GATA5: variants seen among roughly 807,000 people sequenced by gnomAD.
The protein encoded by GATA5 is GATA binding protein 5.
GATA5 carries 27 observed loss-of-function variants against 35.0 expected under a neutral mutation model. The observed-to-expected ratio is 0.77, with a 90% CI of 0.57 to 1.06. The LOEUF (loss-of-function observed/expected upper bound fraction) is 1.06. GATA5 is among the 50% of genes least tolerant of loss of function. The pLI is 0.00. For missense variants in GATA5, 612 were observed against 580.0 expected (o/e 1.06, Z -0.57); for synonymous variants, 306 against 267.8 (o/e 1.14, Z -1.39).
rs6061243 is a variant in GATA5, at chr20:62,465,397, C to T, written c.981G>A (p.Ser327=). Residue 327 remains serine (S), a synonymous_variant, in exon 6 of 7, where the codon TCG becomes TCA. Coordinates refer to ENST00000252997, the MANE Select transcript of GATA5 (RefSeq NM_080473.5). ...VASTDSSAAT[S]KAKPSLASPV... ...GGGACGCCAGGCTGGGCTTGGCTTT[C>T]GAAGTGGCTGCTGAGCTGTCAGTGC... 5.6e-6 allele frequency: 9 copies of T among 1,604,638 alleles called. No individual in the cohort carries two copies. Among genetic ancestry groups the T allele is most frequent in the Non-Finnish European group, 7.6e-6 (9 of 1,177,892 alleles).
chr20:62,473,727 T>G, intron 2 of GATA5, 149 bp from the exon 3 acceptor site: 1 of 664,772 alleles, frequency 1.5e-6, no homozygotes, highest in Non-Finnish European at 2.5e-6. Context: ...TTAGATGTAT[T>G]TTATTTTAAA....
intron 2 of GATA5, 118 bp downstream of exon 2, chr20:62,474,881 C>G (rs935768478): frequency 1.1e-6 from 1 of 896,896 alleles, no homozygotes; most frequent in Non-Finnish European, 1.5e-6. Context: ...GCTGGTGTCG[C>G]TCCTGGCAGG....
At position 62,473,532 on chromosome 20, in the gene GATA5, G is replaced by A. The variant is rs533015904; in HGVS notation, c.570C>T (p.Val190=). Residue 190 remains valine (V), a synonymous_variant, in exon 3 of 7, where the codon GTC becomes GTT. Transcript: ENST00000252997. ...EEFPGEGREC[V]NCGALSTPLW... Reference sequence around the variant, plus strand: ...GCGGTGTGGACAGGGCCCCGCAGTTGACACACTCACGACCCTCACCCGGGA... The same window carrying A: ...GCGGTGTGGACAGGGCCCCGCAGTTAACACACTCACGACCCTCACCCGGGA... 3.1e-5 allele frequency: 50 copies of A among 1,607,240 alleles called. No individual in the cohort carries two copies. In the African/African-American group the frequency reaches 4.3e-4, roughly 14 times the overall value.
intron 4 of GATA5, among the ~76,000 whole-genome samples, 180 bp downstream of exon 4, chr20:62,466,246 T>C (rs1278327111): frequency 6.6e-6 from 1 of 152,110 alleles, no homozygotes; most frequent in Non-Finnish European, 1.5e-5. Context: ...GTAACAGGAA[T>C]AGCCCGGGCC....
At position 62,475,966 on chromosome 20, in the gene GATA5, G is replaced by C. The variant is rs1249472042; in HGVS notation, c.-58C>G. 6.6e-6 allele frequency: 1 copy of C among 151,786 alleles called. No individual in the cohort carries two copies. Among genetic ancestry groups the C allele is most frequent in the Admixed American group, 6.6e-5 (1 of 15,200 alleles). 9.4% of individuals were successfully genotyped at this position (151,786 alleles called of 1,614,324 possible). ...GAGGGCGGCAGGGCACGGCGGTGGC[G>C]GTGGGTCGGCGACCGGCGGGCCGAA... is the stretch of plus-strand genomic sequence containing the variant. On this transcript the variant is annotated 5_prime_UTR_variant, in exon 1 of 7. Coordinates refer to ENST00000252997, the MANE Select transcript of GATA5 (RefSeq NM_080473.5).
intron 6 of GATA5, 31 bp from the exon 7 acceptor site, chr20:62,465,022 G>C: frequency 6.6e-7 from 1 of 1,506,202 alleles, no homozygotes; most frequent in Non-Finnish European, 9.1e-7. Context: ...GAGAATGTGG[G>C]GTGGGGCGTG....
intron 3 of GATA5, among the ~76,000 whole-genome samples, chr20:62,467,078 G>A (rs1348681406): frequency 6.6e-6 from 1 of 152,224 alleles, no homozygotes; most frequent in African/African-American, 2.4e-5. Flanking sequence ...CACTGCGCCT[G>A]GTGGTGGAGC....
rs1555895943 is a variant in GATA5, at chr20:62,465,342, G to T, written c.1036C>A (p.Gln346Lys). 22 of 1,593,478 alleles carry T rather than the reference G, an allele frequency of 1.4e-5. 1 individual carries two copies. Among genetic ancestry groups the T allele is most frequent in the Non-Finnish European group, 1.8e-5 (21 of 1,176,842 alleles). Residue 346 changes from glutamine (Q) to lysine (K), a missense_variant and splice_region_variant, in exon 6 of 7, where the codon CAG (glutamine) becomes AAG (lysine). Transcript: ENST00000252997. ...CCCACCCCAGCCCACCCCCTTACCT[G>T]GGGGGCCATGCTGGGCCCAGGGCAC... is the stretch of plus-strand genomic sequence containing the variant. ...PVCPGPSMAPQASGQEDDSLA... is the reference protein window; with the variant it reads ...PVCPGPSMAPKASGQEDDSLA...
Position 62,475,489 on chromosome 20 carries a change from G to A in GATA5, c.33C>T (p.Pro11=). The A allele has an allele frequency of 2.3e-6, 3 of 1,322,300 alleles. No homozygotes were observed. The highest frequency in any genetic ancestry group is 4.6e-5 in the South Asian group (2 of 43,378). The allele number at this position is 1,322,300 out of a possible 1,614,324, so 81.9% of individuals were successfully genotyped here. A position where few individuals can be genotyped will look rare whatever the true frequency, so the allele number is the denominator to read the frequency against. MYQSLALAAS[P]RQAAYADSGS... is the part of the protein sequence containing the mutation. ...CCGAGTCGGCGTAGGCGGCCTGGCGGGGGCTCGCGGCCAGCGCCAGGCTCT... is the reference window on the plus strand; with the variant it reads ...CCGAGTCGGCGTAGGCGGCCTGGCGAGGGCTCGCGGCCAGCGCCAGGCTCT... Residue 11 remains proline, a synonymous_variant, in exon 2 of 7, where the codon CCC becomes CCT. Transcript: ENST00000252997.
intron 1 of GATA5, 70 bp from the exon 2 acceptor site, chr20:62,475,612 C>G (rs1989842819): frequency 2.9e-6 from 3 of 1,052,316 alleles, no homozygotes; most frequent in Non-Finnish European, 3.6e-6. Context: ...CGAGCTTATG[C>G]CGGGCAGGTG....
intron 3 of GATA5, among the ~76,000 whole-genome samples, chr20:62,472,862 C>T (rs555532815): frequency 1.7e-4 from 26 of 152,254 alleles, no homozygotes; most frequent in South Asian, 4.2e-4. Flanking sequence ...GGTGTCCCTG[C>T]GGTCCCTGAA....
In GATA5 at chr20:62,466,446, G is replaced by GGCC. The variant is rs1365111454; in HGVS notation, c.802_804dup (p.Gly268dup). On this transcript the variant is annotated inframe_insertion, in exon 4 of 7. Coordinates refer to ENST00000252997, the MANE Select transcript of GATA5 (RefSeq NM_080473.5). ...CTCACCCCGTGCAGCTTCATGTAGA[G>GGCC]GCCGCAGGCATTGCACACGGGCTCC... is the stretch of plus-strand genomic sequence containing the variant. The GGCC allele has an allele frequency of 1.9e-6, 3 of 1,585,556 alleles. No individual in the cohort carries two copies. The African/African-American group carries it at 4.0e-5, about 21-fold the overall frequency.
rs1555896907 is a variant in GATA5 at position 62,474,507 on chromosome 20, A to G, written c.523+492T>C. Among the ~76,000 whole-genome samples the G allele has an allele frequency of 3.9e-5, 6 of 152,320 alleles. No homozygotes were observed. The South Asian group carries it at 1.2e-3, about 32-fold the overall frequency. ...GGAGCTCAGAGGAGCCGCCTTCGCC[A>G]GAAAGTGACTACGCTGCAACCGGGA... On this transcript the variant is annotated intron_variant, in intron 2 of 6. Transcript: ENST00000252997.
intron 2 of GATA5, among the ~76,000 whole-genome samples, chr20:62,474,206 G>A (rs1989793967): frequency 6.6e-6 from 1 of 152,222 alleles, no homozygotes; most frequent in Admixed American, 6.5e-5. Context: ...CACACTGTGC[G>A]GCTGGGGGTG....
chr20:62,465,458 G>A lies in GATA5; in HGVS notation c.920C>T (p.Thr307Ile), dbSNP rs1259162439. The A allele has an allele frequency of 1.6e-5, 26 of 1,607,468 alleles. No homozygotes were observed. The highest frequency in any genetic ancestry group is 2.0e-5 in the Non-Finnish European group (24 of 1,179,252). The change falls in exon 6 of 7, where the codon ACA becomes ATA. Residue 307 changes from threonine (T) to isoleucine (I), a missense_variant. Physicochemically the swap from Thr to Ile is moderately conservative, Grantham distance 89. Transcript: ENST00000252997. ...IAKARGSSGS[T>I]RNASASPSAV... ...AGATGGGGAGGCCGAGGCATTCCTT[G>A]TGGATCCTGGAAGCGAAGAGGGGGT...
rs1989830545 is a variant in GATA5, at chr20:62,475,339, G to A, written c.183C>T (p.Arg61=). The A allele has an allele frequency of 4.0e-6, 5 of 1,254,922 alleles. No homozygotes were observed. The highest frequency in any genetic ancestry group is 6.3e-5 in the East Asian group (2 of 31,768). 77.7% of individuals were successfully genotyped at this position (1,254,922 alleles called of 1,614,324 possible). A position where few individuals can be genotyped will look rare whatever the true frequency, so the allele number is the denominator to read the frequency against. The change falls in exon 2 of 7, where the codon CGC becomes CGT. Residue 61 remains arginine, a synonymous_variant. Coordinates refer to ENST00000252997, the MANE Select transcript of GATA5 (RefSeq NM_080473.5). ...CGGTGGCTGTCTGCGCCCAGCCGGG[G>A]CGCGCAGCGAGCTCGGGGGGCTGCG... is the stretch of plus-strand genomic sequence containing the variant. ...PSPQPPELAA[R]PGWAQTATAD... is the part of the protein sequence containing the mutation.
intron 6 of GATA5, 149 bp downstream of exon 6, chr20:62,465,191 G>T (rs1989549936): frequency 2.0e-6 from 2 of 977,838 alleles, no homozygotes; most frequent in Non-Finnish European, 2.9e-6. Context: ...AGCTCTAGGG[G>T]AAGGGCCACC....
intron 2 of GATA5, among the ~76,000 whole-genome samples, 186 bp downstream of exon 2, chr20:62,474,813 T>C (rs927134805): frequency 1.6e-4 from 25 of 152,268 alleles, no homozygotes; most frequent in Admixed American, 1.6e-3. Flanking sequence ...AACAGAATTC[T>C]GGATGGGTGT....
chr20:62,466,611 G>A lies in GATA5; in HGVS notation c.700-60C>T, dbSNP rs917587298. 49 of 1,515,996 alleles carry A rather than the reference G, an allele frequency of 3.2e-5. No individual in the cohort carries two copies. In the African/African-American group the frequency reaches 6.5e-4, roughly 20 times the overall value. 93.9% of individuals were successfully genotyped at this position (1,515,996 alleles called of 1,614,324 possible). On this transcript the variant is annotated intron_variant, in intron 3 of 6. Transcript: ENST00000252997. ...GCCGGGTGCGCGGCTGGAGCAGGGG[G>A]ACGGAAGCGAGACTCAGGTCGGCCT...
Sources: gnomAD v4.1 joint callset for allele counts (sites outside exome capture counted in the v4.1 genomes callset) on GRCh38, gnomAD v4.1.1 for gene constraint, MANE v1.5 for transcripts, NCBI Gene and HGNC (gene_info 2026-07-23, HGNC 2026-07-21) for gene names.